Variants in PPP2R2D observed in about 807,000 individuals in gnomAD.
The protein encoded by PPP2R2D is serine/threonine-protein phosphatase 2A 55 kDa regulatory subunit B delta isoform.
Under a neutral mutation model 31.1 loss-of-function variants are expected in PPP2R2D, and 9 were observed. The observed-to-expected ratio is 0.29, with a 90% confidence interval of 0.17 to 0.51. The LOEUF (loss-of-function observed/expected upper bound fraction) is 0.51. PPP2R2D is among the 20% of genes least tolerant of loss of function. PPP2R2D has a pLI of 0.98. For synonymous variants in PPP2R2D, 179 were observed against 172.6 expected (o/e 1.04, Z -0.29); for missense variants, 391 against 465.6 (o/e 0.84, Z 1.48).
chr10:131,921,146 A>G (rs1554894195), intron 2 of PPP2R2D, among the ~76,000 whole-genome samples: 1 of 152,184 alleles, frequency 6.6e-6, no homozygotes, highest in Non-Finnish European at 1.5e-5. Flanking sequence ...CTGTATAGGC[A>G]AGGGAAATAC....
chr10:131,927,870 T>C (rs1463949416), intron 2 of PPP2R2D, among the ~76,000 whole-genome samples: 1 of 152,154 alleles, frequency 6.6e-6, no homozygotes, highest in Non-Finnish European at 1.5e-5. Context: ...GACATTTGAG[T>C]TGATTCTTTT....
At chr10:131,911,203 G>A (rs1422138157) in intron 2 of PPP2R2D, among the ~76,000 whole-genome samples, 1 of 152,184 alleles carries the variant, frequency 6.6e-6, no homozygotes, top group Admixed American at 6.5e-5. Flanking sequence ...GGGATTTGAT[G>A]CTTTCTCCCA....
chr10:131,968,760 A>G, the PPP2R2D span: 1 of 511,006 alleles, frequency 2.0e-6, no homozygotes, highest in Non-Finnish European at 3.5e-6. Flanking sequence ...TGTATTTTGT[A>G]TTAATTAACT....
downstream of PPP2R2D, among the ~76,000 whole-genome samples, chr10:131,964,445 C>T (rs185153730): frequency 3.4e-4 from 51 of 152,004 alleles, no homozygotes; most frequent in Non-Finnish European, 6.6e-4. Flanking sequence ...TTGAGTGGCA[C>T]TTGGAAAGAC....
chr10:131,918,093 T>G (rs1441164973), intron 2 of PPP2R2D, among the ~76,000 whole-genome samples: 1 of 138,458 alleles, frequency 7.2e-6, no homozygotes, highest in African/African-American at 2.8e-5. Context: ...ACACAGTGTT[T>G]GTAGGGACCT....
At chr10:131,965,010 ATG>A in the PPP2R2D span, among the ~76,000 whole-genome samples, 1 of 152,228 alleles carries the variant, frequency 6.6e-6, no homozygotes, top group East Asian at 1.9e-4. Context: ...ATGAGCAGTT[ATG>A]TGTTTTTCTT....
chr10:131,954,841 G>A (rs1554899655), intron 8 of PPP2R2D, among the ~76,000 whole-genome samples: 1 of 152,252 alleles, frequency 6.6e-6, no homozygotes, highest in Non-Finnish European at 1.5e-5. Context: ...TGTCAAAATA[G>A]GAAGAGGAGG....
intron 2 of PPP2R2D, among the ~76,000 whole-genome samples, chr10:131,918,362 C>G (rs1233910489): frequency 6.9e-6 from 1 of 145,428 alleles, no homozygotes; most frequent in African/African-American, 2.6e-5. Context: ...GGTGGAATGA[C>G]ACAGTGTTTG....
intron 8 of PPP2R2D, among the ~76,000 whole-genome samples, chr10:131,951,178 G>C (rs544347473): frequency 6.6e-6 from 1 of 152,344 alleles, no homozygotes; most frequent in South Asian, 2.1e-4. Flanking sequence ...TGATGGTTTG[G>C]GGGAGAGGGT....
chr10:131,940,841 T>C, intron 5 of PPP2R2D, 147 bp downstream of exon 5: 1 of 542,914 alleles, frequency 1.8e-6, no homozygotes, highest in Non-Finnish European at 3.3e-6. Flanking sequence ...TTTGCACTCA[T>C]GTGTGTGTTT....
intron 2 of PPP2R2D, among the ~76,000 whole-genome samples, chr10:131,918,761 ACACG>A (rs2035887719): frequency 7.0e-6 from 1 of 142,904 alleles, no homozygotes; most frequent in African/African-American, 2.7e-5. Context: ...TAGGGACCTC[ACACG>A]GGTGGAATGA....
At chr10:131,971,212 A>G in the PPP2R2D span, 1 of 527,690 alleles carries the variant, frequency 1.9e-6, no homozygotes. Context: ...GGGGAGCCCC[A>G]CTCAGGGCGT....
intron 2 of PPP2R2D, among the ~76,000 whole-genome samples, chr10:131,933,551 C>G (rs1554896021): frequency 1.3e-5 from 2 of 152,160 alleles, no homozygotes; most frequent in African/African-American, 4.8e-5. Context: ...AGGACAAGCT[C>G]TGATGGCCCC....
chr10:131,911,627 C>T (rs2035684801), intron 2 of PPP2R2D: 2 of 152,258 alleles, frequency 1.3e-5, no homozygotes, highest in Admixed American at 1.3e-4. Context: ...GCTCCACCTG[C>T]CCTTGGCTTT....
downstream of PPP2R2D, among the ~76,000 whole-genome samples, chr10:131,964,674 T>TG (rs2036958101): frequency 2.0e-5 from 3 of 151,408 alleles, no homozygotes; most frequent in South Asian, 6.3e-4. Flanking sequence ...ATGTTTTTTT[T>TG]TTTTTTTTTT....
At chr10:131,933,205 C>T (rs1287802045) in intron 2 of PPP2R2D, among the ~76,000 whole-genome samples, 3 of 152,146 alleles carry the variant, frequency 2.0e-5, no homozygotes, top group African/African-American at 2.4e-5. Flanking sequence ...CAGTGCCAGC[C>T]GCGGGAGCTT....
chr10:131,968,755 T>G, the PPP2R2D span: 1 of 517,004 alleles, frequency 1.9e-6, no homozygotes, highest in Non-Finnish European at 3.5e-6. Flanking sequence ...CAATATGTAT[T>G]TTGTATTAAT....
intron 2 of PPP2R2D, among the ~76,000 whole-genome samples, chr10:131,917,178 G>GTGTAGGGA (rs2035817028): frequency 1.8e-5 from 2 of 109,010 alleles, no homozygotes; most frequent in Non-Finnish European, 3.9e-5. Flanking sequence ...GAATGACACA[G>GTGTAGGGA]CGTTTGTAGG....
downstream of PPP2R2D, among the ~76,000 whole-genome samples, chr10:131,960,801 A>C (rs2036911459): frequency 1.3e-5 from 2 of 152,186 alleles, no homozygotes; most frequent in South Asian, 4.1e-4. Context: ...CTTTGGCATC[A>C]GCCAGGGAGT....
Sources: gnomAD v4.1 joint callset for allele counts (sites outside exome capture counted in the v4.1 genomes callset) on GRCh38, gnomAD v4.1.1 for gene constraint, MANE v1.5 for transcripts, NCBI Gene and HGNC (gene_info 2026-07-23, HGNC 2026-07-21) for gene names.